The following COTL1 variants were observed in gnomAD, a reference collection of about 807,000 sequenced individuals.
COTL1 encodes the protein coactosin like F-actin binding protein 1, also known as coactosin-like protein.
In COTL1, 15 loss-of-function variants were observed where a neutral mutation model predicts 16.5. The observed-to-expected ratio is 0.91, with a 90% confidence interval of 0.61 to 1.40. COTL1 has a LOEUF of 1.40. COTL1 is among the 40% of genes most tolerant of loss of function. The probability of loss-of-function intolerance (pLI) is 0.00; values close to 1 mark genes in which losing one functional copy is unlikely to be tolerated. For synonymous variants in COTL1, 112 were observed against 85.3 expected (o/e 1.31, Z -1.73); for missense variants, 220 against 201.5 (o/e 1.09, Z -0.56).
intron 2 of COTL1, among the ~76,000 whole-genome samples, chr16:84,611,982 C>G (rs16974277): frequency 0.27 from 41,386 of 152,020 alleles, 6,340 homozygotes; most frequent in East Asian, 0.44. Context: ...CCCAGTGGCT[C>G]TGTCAGGTGA....
rs1399925250 is a variant in COTL1, at chr16:84,617,932, G to T, written c.-18C>A. On this transcript the variant is annotated 5_prime_UTR_variant, in exon 1 of 4. Coordinates refer to ENST00000262428, the MANE Select transcript of COTL1 (RefSeq NM_021149.5). ...GTGGCCATCGCCGCGGAGCCGCAGC[G>T]GGACACTGTCCGGGGCGGCCGAGCG... 3 of 1,547,022 alleles carry T rather than the reference G, an allele frequency of 1.9e-6. No individual in the cohort carries two copies. The highest frequency in any genetic ancestry group is 1.2e-5 in the South Asian group (1 of 84,014).
intron 2 of COTL1, among the ~76,000 whole-genome samples, chr16:84,613,448 G>A (rs1418191412): frequency 1.3e-5 from 2 of 152,176 alleles, no homozygotes; most frequent in African/African-American, 2.4e-5. Context: ...GCACCAAGAC[G>A]GGAAATGTTA....
chr16:84,607,787 A>G (rs559973845), intron 2 of COTL1, among the ~76,000 whole-genome samples: 5 of 152,166 alleles, frequency 3.3e-5, no homozygotes, highest in Non-Finnish European at 4.4e-5. Context: ...CACTGGGGTC[A>G]GGGAAAGGAC....
chr16:84,568,794 A>T (rs1265889165), intron 3 of COTL1: 1 of 152,230 alleles, frequency 6.6e-6, no homozygotes, highest in Non-Finnish European at 1.5e-5. Flanking sequence ...AGTTCTTTTT[A>T]AAAAGGCCCG....
At chr16:84,597,925 G>C (rs376953600) in intron 2 of COTL1, among the ~76,000 whole-genome samples, 3 of 152,144 alleles carry the variant, frequency 2.0e-5, no homozygotes, top group African/African-American at 7.2e-5. Context: ...TATCAGCCCT[G>C]GGTACCAGGA....
chr16:84,617,875 AC>A lies in COTL1; in HGVS notation c.39del (p.Tyr14ThrfsTer14). The A allele has an allele frequency of 3.2e-6, 5 of 1,572,286 alleles. No homozygotes were observed. The highest frequency in any genetic ancestry group is 4.3e-6 in the Non-Finnish European group (5 of 1,160,302). ...TKIDKEACRA[A>X]YNLVRDDGSA... ...GAGCCGTCGTCGCGCACCAGGTTGT[AC>A]GCCGCCCGGCAAGCCTCTTTGTCGA... On this transcript the variant is annotated frameshift_variant, in exon 1 of 4. Transcript: ENST00000262428. LOFTEE classifies it high-confidence loss of function.
intron 2 of COTL1, among the ~76,000 whole-genome samples, chr16:84,603,368 G>A (rs986676833): frequency 5.3e-5 from 8 of 149,802 alleles, no homozygotes; most frequent in African/African-American, 1.7e-4. Flanking sequence ...AGGGCTCTGC[G>A]CCAGGCTCTG....
chr16:84,589,921 C>T (rs1904820422), intron 3 of COTL1, among the ~76,000 whole-genome samples, 184 bp downstream of exon 3: 1 of 152,170 alleles, frequency 6.6e-6, no homozygotes, highest in Non-Finnish European at 1.5e-5. Context: ...CTCCTCCTAG[C>T]CAGCATCCTG....
intron 3 of COTL1, among the ~76,000 whole-genome samples, chr16:84,574,054 G>T (rs765529243): frequency 2.0e-5 from 3 of 152,088 alleles, no homozygotes; most frequent in Non-Finnish European, 2.9e-5. Flanking sequence ...TGTTGTCCCA[G>T]CTACTTGGGA....
chr16:84,598,186 G>A (rs561295090), intron 2 of COTL1, among the ~76,000 whole-genome samples: 1 of 152,238 alleles, frequency 6.6e-6, no homozygotes, highest in Admixed American at 6.5e-5. Context: ...CCCACCCAGA[G>A]AGAGTCTTGT....
chr16:84,604,836 G>T (rs1905180259), intron 2 of COTL1, among the ~76,000 whole-genome samples: 1 of 152,214 alleles, frequency 6.6e-6, no homozygotes. Context: ...TGAAGCAGCA[G>T]CAGCTTTTAT....
At chr16:84,585,572 G>A (rs569420974) in intron 3 of COTL1, among the ~76,000 whole-genome samples, 1 of 152,284 alleles carries the variant, frequency 6.6e-6, no homozygotes, top group Non-Finnish European at 1.5e-5. Flanking sequence ...GTGCAGCTGG[G>A]GAAGTGACCT....
Position 84,617,854 on chromosome 16 carries a change from C to A in COTL1, c.61G>T (p.Gly21Cys), listed in dbSNP as rs938596004. 2.5e-6 allele frequency: 4 copies of A among 1,575,248 alleles called. No individual in the cohort carries two copies. The highest frequency in any genetic ancestry group is 3.4e-6 in the Non-Finnish European group (4 of 1,161,626). Residue 21 changes from glycine to cysteine, a missense_variant, in exon 1 of 4, where the codon GGC (glycine) becomes TGC (cysteine). Gly to Cys is a radical substitution (Grantham distance 159, BLOSUM62 -3). Coordinates refer to ENST00000262428, the MANE Select transcript of COTL1 (RefSeq NM_021149.5). The part of the protein sequence containing the change: ...RAAYNLVRDD[G>C]SAVIWVTFKY... ...AGTTCCTACCAGATGACGGCCGAGC[C>A]GTCGTCGCGCACCAGGTTGTACGCC...
At chr16:84,583,884 T>C (rs1904658552) in intron 3 of COTL1, among the ~76,000 whole-genome samples, 1 of 152,142 alleles carries the variant, frequency 6.6e-6, no homozygotes, top group African/African-American at 2.4e-5. Flanking sequence ...CCTCTGTTCC[T>C]GAAAGCTGAG....
chr16:84,614,545 G>C (rs901816943), intron 2 of COTL1, among the ~76,000 whole-genome samples: 3 of 152,136 alleles, frequency 2.0e-5, no homozygotes, highest in Non-Finnish European at 2.9e-5. Flanking sequence ...CCAGGGAAGG[G>C]GGTGTTTCAG....
At position 84,611,560 on chromosome 16, in the gene COTL1, C is replaced by T. The variant is rs567965847; in HGVS notation, c.160+5941G>A. ...AGATGACAATAAAATGTCAGCTCCA[C>T]GAGGACAGGCGCCTTTTCTGCTTCT... is the stretch of plus-strand genomic sequence containing the variant. On this transcript the variant is annotated intron_variant, in intron 2 of 3. Coordinates refer to ENST00000262428, the MANE Select transcript of COTL1 (RefSeq NM_021149.5). Among the ~76,000 whole-genome samples, 76 of 152,286 alleles carry T rather than the reference C, an allele frequency of 5.0e-4. 1 individual carries two copies. The highest frequency in any genetic ancestry group is 2.5e-3 in the Admixed American group (39 of 15,298).
intron 3 of COTL1, 192 bp from the exon 4 acceptor site, chr16:84,567,147 T>C (rs1304405335): frequency 5.5e-6 from 3 of 547,224 alleles, no homozygotes; most frequent in South Asian, 4.0e-5. Flanking sequence ...CAGAGTCATC[T>C]GGCAGAAAAA....
intron 2 of COTL1, chr16:84,595,565 G>C (rs1039011831): frequency 6.6e-6 from 1 of 152,190 alleles, no homozygotes; most frequent in Non-Finnish European, 1.5e-5. Context: ...AACAAATTGG[G>C]TCCACAAACC....
chr16:84,590,286 A>G lies in COTL1; in HGVS notation c.161-24T>C, dbSNP rs1325067885. The G allele has an allele frequency of 6.2e-7, 1 of 1,611,038 alleles. No individual in the cohort carries two copies. Among genetic ancestry groups the G allele is most frequent in the Admixed American group, 1.7e-5 (1 of 59,928 alleles). Reference sequence around the variant, plus strand: ...ATCTGTGGCCAAAAGCGAAAAGAGAACATGGTGCTGCGTTAAAACACCCCC... The same window carrying G: ...ATCTGTGGCCAAAAGCGAAAAGAGAGCATGGTGCTGCGTTAAAACACCCCC... On this transcript the variant is annotated intron_variant, in intron 2 of 3. Coordinates refer to ENST00000262428, the MANE Select transcript of COTL1 (RefSeq NM_021149.5). This position sits in a 1 kb window ranked among gnomAD's most constrained non-coding sequence, Gnocchi z 5.5.
Sources: allele counts gnomAD v4.1 joint callset (sites outside exome capture counted in the v4.1 genomes callset), GRCh38; gene constraint gnomAD v4.1.1; non-coding constraint Gnocchi (gnomAD v3.1); transcripts MANE v1.5; gene names NCBI Gene and HGNC (gene_info 2026-07-23, HGNC 2026-07-21).